The following ZNF568 variants were observed in gnomAD, a reference collection of about 807,000 sequenced individuals.
ZNF568 encodes the protein p53 inhibitor of SCO2 activation.
ZNF568 carries 11 observed loss-of-function variants against 18.1 expected under a neutral mutation model. The ratio of observed to expected loss-of-function variants is 0.61; its 90% CI spans 0.38 to 1.00. ZNF568 has a LOEUF of 1.00. Among genes scored for constraint, ZNF568 ranks in the 50% least tolerant of loss-of-function variants. The probability of loss-of-function intolerance (pLI) is 0.01; values close to 1 mark genes in which losing one functional copy is unlikely to be tolerated. For synonymous variants in ZNF568, 213 were observed against 246.6 expected (o/e 0.86, Z 1.28); for missense variants, 639 against 768.2 (o/e 0.83, Z 1.99).
rs1406792146 is a variant in ZNF568, at chr19:36,950,099, A to G, written c.946A>G (p.Ser316Gly). ...ATGTAAGGATTGTTGGAAAGCCTTC[A>G]GTCAGAAATCAAATCTCATTGAACA... ...YACKDCWKAFSQKSNLIEHER... is the reference protein window; with the variant it reads ...YACKDCWKAFGQKSNLIEHER... The change falls in exon 7 of 7, where the codon AGT becomes GGT. Residue 316 changes from serine to glycine, a missense_variant. Physicochemically the swap from Ser to Gly is moderately conservative, Grantham distance 56. Coordinates refer to ENST00000333987, the MANE Select transcript of ZNF568 (RefSeq NM_198539.4). 2 of 1,613,640 alleles carry G rather than the reference A, an allele frequency of 1.2e-6. No individual in the cohort carries two copies. Among genetic ancestry groups the G allele is most frequent in the African/African-American group, 2.7e-5 (2 of 74,840 alleles).
At chr19:36,942,828 C>T (rs1284416656) in intron 6 of ZNF568, among the ~76,000 whole-genome samples, 2 of 152,100 alleles carry the variant, frequency 1.3e-5, no homozygotes, top group East Asian at 3.9e-4. Flanking sequence ...ATTTCTAACA[C>T]ACCTAACAAC....
chr19:36,935,549 G>T (rs1200541392), intron 4 of ZNF568, among the ~76,000 whole-genome samples: 1 of 129,048 alleles, frequency 7.7e-6, no homozygotes, highest in Non-Finnish European at 1.6e-5. Context: ...GACAGACTGA[G>T]ACTCTGTATC....
At chr19:36,926,441 A>G (rs1169250637) in intron 4 of ZNF568, among the ~76,000 whole-genome samples, 1 of 152,152 alleles carries the variant, frequency 6.6e-6, no homozygotes, top group African/African-American at 2.4e-5. Context: ...GGCCCTCGAC[A>G]GGCTTGAGTT....
At chr19:36,927,854 GTGTGTGTATA>G (rs1394946116) in intron 4 of ZNF568, among the ~76,000 whole-genome samples, 5 of 42,432 alleles carry the variant, frequency 1.2e-4, no homozygotes, top group African/African-American at 5.6e-4. Flanking sequence ...ATGTGTGTGT[GTGTGTGTATA>G]TATATATATA....
At chr19:36,977,077 G>A (rs2074292041) in intron 7 of ZNF568, among the ~76,000 whole-genome samples, 1 of 152,150 alleles carries the variant, frequency 6.6e-6, no homozygotes, top group Non-Finnish European at 1.5e-5. Flanking sequence ...TTTTTTCACA[G>A]TTAATCTATT....
chr19:36,993,478 A>T (rs1050079548), intron 4 of ZNF568, among the ~76,000 whole-genome samples: 23 of 151,990 alleles, frequency 1.5e-4, no homozygotes, highest in Non-Finnish European at 1.9e-4. Flanking sequence ...TTCATGGAGG[A>T]TTTATATTAA....
intron 4 of ZNF568, among the ~76,000 whole-genome samples, chr19:36,930,666 A>G (rs866908798): frequency 2.0e-5 from 3 of 152,066 alleles, no homozygotes; most frequent in African/African-American, 7.2e-5. Context: ...GGGATTATCT[A>G]TTTCTGAAAC....
At chr19:36,986,227 A>G (rs1425750286) in intron 2 of ZNF568, among the ~76,000 whole-genome samples, 4 of 152,140 alleles carry the variant, frequency 2.6e-5, no homozygotes, top group Non-Finnish European at 5.9e-5. Flanking sequence ...AGCGGACCCT[A>G]GGAATGGGAA....
At chr19:36,930,141 A>G (rs2073660059) in intron 4 of ZNF568, among the ~76,000 whole-genome samples, 1 of 152,044 alleles carries the variant, frequency 6.6e-6, no homozygotes, top group Non-Finnish European at 1.5e-5. Context: ...ATCATTTTAT[A>G]CAGTCAAAAA....
chr19:36,925,803 A>C (rs1464302227), intron 4 of ZNF568, among the ~76,000 whole-genome samples: 1 of 152,220 alleles, frequency 6.6e-6, no homozygotes, highest in Non-Finnish European at 1.5e-5. Flanking sequence ...TTTTATAAGT[A>C]ATCTAGGGAC....
chr19:36,954,797 C>T (rs1458493713), downstream of ZNF568, among the ~76,000 whole-genome samples: 3 of 150,034 alleles, frequency 2.0e-5, no homozygotes, highest in Non-Finnish European at 4.4e-5. Flanking sequence ...AGGCTGGTCT[C>T]GAATCCTGAC....
rs1014867846 is a variant in ZNF568, at chr19:36,922,523, TG to T, written c.-185-61del. ...GGTCACTGGGGGCCATCTTGGAAGC[TG>T]GTTATCACAGGGAGCCAGTGAGAAG... On this transcript the variant is annotated intron_variant, in intron 2 of 6. Coordinates refer to ENST00000333987, the MANE Select transcript of ZNF568 (RefSeq NM_198539.4). The T allele has an allele frequency of 7.4e-5, 27 of 363,186 alleles. 1 individual carries two copies. The highest frequency in any genetic ancestry group is 1.1e-4 in the Non-Finnish European group (23 of 201,334). The allele number at this position is 363,186 out of a possible 1,614,324, so 22.5% of individuals were successfully genotyped here. A position where few individuals can be genotyped will look rare whatever the true frequency, so the allele number is the denominator to read the frequency against.
chr19:36,918,486 A>C (rs935320133), intron 2 of ZNF568, among the ~76,000 whole-genome samples: 2 of 152,148 alleles, frequency 1.3e-5, no homozygotes, highest in African/African-American at 4.8e-5. Context: ...ATGAGAAAAA[A>C]ATCTGTACTG....
chr19:36,918,281 G>A (rs1304122593), intron 2 of ZNF568, among the ~76,000 whole-genome samples: 1 of 152,116 alleles, frequency 6.6e-6, no homozygotes, highest in Non-Finnish European at 1.5e-5. Flanking sequence ...ATTAGTAGTA[G>A]TAGCTCATTT....
chr19:36,952,083 T>C lies in ZNF568; in HGVS notation c.*995T>C. ...AGACAAAAGGACTCTGTAATTCCAC[T>C]TCTAGGTATATATACATCCTATAGA... On this transcript the variant is annotated 3_prime_UTR_variant, in exon 7 of 7. Transcript: ENST00000333987. 1 of 881,062 alleles carries C rather than the reference T, an allele frequency of 1.1e-6. No homozygotes were observed. The highest frequency in any genetic ancestry group is 1.3e-6 in the Non-Finnish European group (1 of 768,218). The allele number at this position is 881,062 out of a possible 1,614,324, so 54.6% of individuals were successfully genotyped here.
At chr19:36,991,597 A>G (rs2074424917) in intron 3 of ZNF568, 1 of 661,470 alleles carries the variant, frequency 1.5e-6, no homozygotes, top group Non-Finnish European at 2.4e-6. Flanking sequence ...TTCTAATTAG[A>G]CAAGAAAGGA....
intron 2 of ZNF568, among the ~76,000 whole-genome samples, chr19:36,989,817 A>G (rs567336560): frequency 1.8e-4 from 28 of 152,084 alleles, no homozygotes; most frequent in Non-Finnish European, 3.5e-4. Context: ...AAGTGTTGGG[A>G]TGACAAGAGT....
In ZNF568 at chr19:36,950,085, G is replaced by A; in HGVS notation, c.932G>A (p.Cys311Tyr). Residue 311 changes from cysteine (C) to tyrosine (Y), a missense_variant, in exon 7 of 7, where the codon TGT (cysteine) becomes TAT (tyrosine). Coordinates refer to ENST00000333987, the MANE Select transcript of ZNF568 (RefSeq NM_198539.4). ...TGEKPYACKDCWKAFSQKSNL... is the reference protein window; with the variant it reads ...TGEKPYACKDYWKAFSQKSNL... Reference sequence around the variant, plus strand: ...GAGAAACCTTATGCATGTAAGGATTGTTGGAAAGCCTTCAGTCAGAAATCA... The same window carrying A: ...GAGAAACCTTATGCATGTAAGGATTATTGGAAAGCCTTCAGTCAGAAATCA... 6.2e-7 allele frequency: 1 copy of A among 1,613,910 alleles called. No individual in the cohort carries two copies. The highest frequency in any genetic ancestry group is 1.7e-5 in the Admixed American group (1 of 60,006).
chr19:36,938,577 C>T (rs2073828102), intron 6 of ZNF568, among the ~76,000 whole-genome samples: 1 of 152,138 alleles, frequency 6.6e-6, no homozygotes, highest in Non-Finnish European at 1.5e-5. Flanking sequence ...AAACTAGAGT[C>T]CCTGAGGTTT....
Sources: gnomAD v4.1 joint callset for allele counts (sites outside exome capture counted in the v4.1 genomes callset) on GRCh38, gnomAD v4.1.1 for gene constraint, MANE v1.5 for transcripts, NCBI Gene and HGNC (gene_info 2026-07-23, HGNC 2026-07-21) for gene names.